PLEKHM3: variants seen among roughly 807,000 people sequenced by gnomAD.
The protein encoded by PLEKHM3 is pleckstrin homology domain-containing family M member 3.
In PLEKHM3, 45 loss-of-function variants were observed where a neutral mutation model predicts 81.8. The observed-to-expected ratio is 0.55, with a 90% CI of 0.43 to 0.71. PLEKHM3 has a LOEUF of 0.71. PLEKHM3 is among the 30% of genes least tolerant of loss of function. PLEKHM3 has a pLI of 0.00. For missense variants in PLEKHM3, 788 were observed against 924.3 expected (o/e 0.85, Z 1.91); for synonymous variants, 352 against 356.4 (o/e 0.99, Z 0.14).
intron 1 of PLEKHM3, 59 bp downstream of exon 1, chr2:208,025,330 T>A (rs1396690131): frequency 6.6e-6 from 1 of 152,316 alleles, no homozygotes; most frequent in Non-Finnish European, 1.5e-5. Flanking sequence ...AATGCAGTCG[T>A]CCCCACCCCA....
chr2:207,936,057 A>T (rs1163035262), intron 4 of PLEKHM3, among the ~76,000 whole-genome samples: 2 of 152,208 alleles, frequency 1.3e-5, no homozygotes. Flanking sequence ...ATCATAGTTC[A>T]CTGTAACTTC....
intron 4 of PLEKHM3, among the ~76,000 whole-genome samples, chr2:207,945,559 G>T (rs148352379): frequency 7.9e-5 from 12 of 152,148 alleles, no homozygotes; most frequent in Admixed American, 7.9e-4. Flanking sequence ...CAAAGGCCTG[G>T]ATTTGCTAGA....
At chr2:207,880,134 T>C (rs1004486548) in intron 6 of PLEKHM3, among the ~76,000 whole-genome samples, 2 of 152,112 alleles carry the variant, frequency 1.3e-5, no homozygotes, top group East Asian at 3.9e-4. Context: ...AGGCCGGGCA[T>C]GGTGGCTCAC....
At chr2:207,897,571 T>C (rs1433601999) in intron 6 of PLEKHM3, among the ~76,000 whole-genome samples, 1 of 152,164 alleles carries the variant, frequency 6.6e-6, no homozygotes, top group African/African-American at 2.4e-5. Flanking sequence ...GGTCACCTAA[T>C]ATTTCTGGGG....
At chr2:207,849,231 G>A (rs1023178485) in intron 7 of PLEKHM3, among the ~76,000 whole-genome samples, 1 of 152,086 alleles carries the variant, frequency 6.6e-6, no homozygotes, top group African/African-American at 2.4e-5. Flanking sequence ...CTACTCAGGG[G>A]GCTAAAGCTG....
intron 1 of PLEKHM3, among the ~76,000 whole-genome samples, chr2:208,016,668 A>AACACACACACACAC (rs1553568085): frequency 3.2e-5 from 2 of 61,560 alleles, no homozygotes; most frequent in East Asian, 3.5e-4. Flanking sequence ...AAAAAAAAAA[A>AACACACACACACAC]ATACACACAC....
intron 6 of PLEKHM3, among the ~76,000 whole-genome samples, chr2:207,907,319 T>C (rs1195018387): frequency 1.3e-5 from 2 of 152,062 alleles, no homozygotes; most frequent in Non-Finnish European, 2.9e-5. Context: ...CTGGCCAACA[T>C]GGTGAAACCC....
rs2092246441 is a variant in PLEKHM3 at position 207,825,726 on chromosome 2, C to G, written c.*2593G>C. The G allele has an allele frequency of 6.6e-6, 1 of 152,210 alleles. No homozygotes were observed. Among genetic ancestry groups the G allele is most frequent in the African/African-American group, 2.4e-5 (1 of 41,428 alleles). 9.4% of individuals were successfully genotyped at this position (152,210 alleles called of 1,614,324 possible). A position where few individuals can be genotyped will look rare whatever the true frequency, so the allele number is the denominator to read the frequency against. On this transcript the variant is annotated 3_prime_UTR_variant, in exon 8 of 8. Transcript: ENST00000427836. ...AGGCCTGTGGCTGGCACCGACCAAG[C>G]TGTCAGGGTGGTACGAAAAGGAGAG...
intron 7 of PLEKHM3, among the ~76,000 whole-genome samples, chr2:207,859,031 A>G (rs891581121): frequency 4.6e-5 from 7 of 152,036 alleles, no homozygotes; most frequent in Non-Finnish European, 7.4e-5. Context: ...GACATTTTAT[A>G]TAAATAGAAT....
At chr2:207,923,595 G>A (rs531797336) in intron 5 of PLEKHM3, among the ~76,000 whole-genome samples, 22 of 151,942 alleles carry the variant, frequency 1.4e-4, no homozygotes, top group Admixed American at 5.3e-4. Context: ...TGACAAGAGC[G>A]AAACTCTGTC....
chr2:207,917,841 G>C (rs904934950), intron 5 of PLEKHM3, among the ~76,000 whole-genome samples: 10 of 151,116 alleles, frequency 6.6e-5, no homozygotes, highest in African/African-American at 2.2e-4. Flanking sequence ...GTCTCAAAAA[G>C]AAAAAAAAAT....
chr2:207,929,110 C>T (rs1355987119), intron 5 of PLEKHM3, among the ~76,000 whole-genome samples: 5 of 152,140 alleles, frequency 3.3e-5, no homozygotes, highest in Non-Finnish European at 7.4e-5. Context: ...CCAGGCATTG[C>T]ATTATATAAT....
intron 7 of PLEKHM3, 36 bp downstream of exon 7, chr2:207,861,069 T>C: frequency 6.2e-7 from 1 of 1,605,378 alleles, no homozygotes; most frequent in Non-Finnish European, 8.5e-7. Context: ...ATATTACACA[T>C]TTGGGTGTTC....
intron 2 of PLEKHM3, among the ~76,000 whole-genome samples, chr2:207,998,719 A>T (rs1452965696): frequency 1.3e-5 from 2 of 152,188 alleles, no homozygotes; most frequent in African/African-American, 4.8e-5. Flanking sequence ...TCAGGTCTTT[A>T]CAGAGCCTAA....
chr2:208,010,521 T>G (rs980558947), intron 1 of PLEKHM3, among the ~76,000 whole-genome samples: 3 of 152,190 alleles, frequency 2.0e-5, no homozygotes, highest in African/African-American at 7.2e-5. Flanking sequence ...AAAGAACCAC[T>G]TGAATTAGCT....
intron 7 of PLEKHM3, among the ~76,000 whole-genome samples, chr2:207,833,550 T>C (rs2092300555): frequency 6.6e-6 from 1 of 152,184 alleles, no homozygotes; most frequent in African/African-American, 2.4e-5. Context: ...CCTAGGGATC[T>C]CAACCTTGGC....
At chr2:207,999,384 A>C (rs568737206) in intron 2 of PLEKHM3, among the ~76,000 whole-genome samples, 1 of 151,992 alleles carries the variant, frequency 6.6e-6, no homozygotes, top group Non-Finnish European at 1.5e-5. Flanking sequence ...GGTGGCTGAA[A>C]TGGAAGGATT....
At position 207,976,655 on chromosome 2, in the gene PLEKHM3, A is replaced by G; in HGVS notation, c.1542T>C (p.Cys514=). The G allele has an allele frequency of 6.2e-7, 1 of 1,612,596 alleles. No homozygotes were observed. Among genetic ancestry groups the G allele is most frequent in the Non-Finnish European group, 8.5e-7 (1 of 1,179,082 alleles). ...ERGLTAQSFK[C]AGCQRSIGLS... ...GGCTGAAAATCTGCTTCATACCTGC[A>G]CATTTGAAACTCTGAGCAGTGAGTC... The change falls in exon 3 of 8, where the codon TGT becomes TGC. Residue 514 remains cysteine, a synonymous_variant. Transcript: ENST00000427836. This position sits in a 1 kb window ranked among gnomAD's most constrained non-coding sequence, Gnocchi z 4.1.
chr2:207,976,548 G>C lies in PLEKHM3; in HGVS notation c.1546+103C>G. ...GGAGAGATACTTTTTATAAACAGGAGATAGCTGTGACTAGCCTATTAAGGG... is the reference window on the plus strand; with the variant it reads ...GGAGAGATACTTTTTATAAACAGGACATAGCTGTGACTAGCCTATTAAGGG... On this transcript the variant is annotated intron_variant, in intron 3 of 7. Coordinates refer to ENST00000427836, the MANE Select transcript of PLEKHM3 (RefSeq NM_001080475.3). This position sits in a 1 kb window ranked among gnomAD's most constrained non-coding sequence, Gnocchi z 4.1. The C allele has an allele frequency of 9.1e-7, 1 of 1,100,308 alleles. No homozygotes were observed. Among genetic ancestry groups the C allele is most frequent in the South Asian group, 1.6e-5 (1 of 61,196 alleles). 68.2% of individuals were successfully genotyped at this position (1,100,308 alleles called of 1,614,324 possible). A position where few individuals can be genotyped will look rare whatever the true frequency, so the allele number is the denominator to read the frequency against.
Sources: allele counts gnomAD v4.1 joint callset (sites outside exome capture counted in the v4.1 genomes callset), GRCh38; gene constraint gnomAD v4.1.1; non-coding constraint Gnocchi (gnomAD v3.1); transcripts MANE v1.5; gene names NCBI Gene and HGNC (gene_info 2026-07-23, HGNC 2026-07-21).